The following ZNF273 variants were observed in gnomAD, a reference collection of about 807,000 sequenced individuals.
The protein encoded by ZNF273 is zinc finger protein 9.
A neutral mutation model predicts 14.9 loss-of-function variants in ZNF273; 11 were observed. That is an observed-to-expected ratio of 0.74 (90% CI 0.46 to 1.22). ZNF273 has a LOEUF of 1.22. Among genes scored for constraint, ZNF273 ranks in the 50% most tolerant of loss-of-function variants. The pLI is 0.00. For missense variants in ZNF273, 577 were observed against 660.6 expected, an observed-to-expected ratio of 0.87 and a Z score of 1.39; for synonymous variants, 199 against 223.9, an observed-to-expected ratio of 0.89 and a Z score of 0.99.
intron 1 of ZNF273, among the ~76,000 whole-genome samples, chr7:64,888,031 A>C (rs1415792267): frequency 6.6e-6 from 1 of 152,118 alleles, no homozygotes; most frequent in Non-Finnish European, 1.5e-5. Context: ...GAGAAGTCCC[A>C]GCCCCAATGC....
chr7:64,925,582 C>T (rs547626301), intron 3 of ZNF273, among the ~76,000 whole-genome samples: 11 of 152,090 alleles, frequency 7.2e-5, no homozygotes, highest in East Asian at 1.9e-4. Flanking sequence ...GGACTACAGG[C>T]GCGCGCCACC....
chr7:64,927,992 ACT>A lies in ZNF273; in HGVS notation c.666_667del (p.Gln223AlafsTer2), dbSNP rs747955295. On this transcript the variant is annotated frameshift_variant, in exon 4 of 4. Coordinates refer to ENST00000476120, the MANE Select transcript of ZNF273 (RefSeq NM_021148.3). LOFTEE classifies it low-confidence loss of function (END_TRUNC). ...GKSCCILSQLTQHKKTATRVN... is the reference protein window; with the variant it reads ...GKSCCILSQLXQHKKTATRVN... The stretch of plus-strand genomic sequence containing the variant: ...ATCATGTTGCATACTTTCACAACTA[ACT>A]CAGCATAAGAAAACTGCTACTAGAG... 1 of 1,614,000 alleles carries A rather than the reference ACT, an allele frequency of 6.2e-7. No homozygotes were observed. The highest frequency in any genetic ancestry group is 8.5e-7 in the Non-Finnish European group (1 of 1,179,934).
At chr7:64,899,873 G>C (rs550821827), upstream of ZNF273, among the ~76,000 whole-genome samples, 3 of 150,764 alleles carry the variant, frequency 2.0e-5, no homozygotes, top group East Asian at 6.1e-4. Context: ...TGATTCTCCT[G>C]CCTCAGCCTC....
intron 2 of ZNF273, 116 bp downstream of exon 2, chr7:64,917,823 C>G: frequency 8.6e-7 from 1 of 1,161,270 alleles, no homozygotes. Context: ...CAACAAAATC[C>G]TGGGGATTTG....
At chr7:64,888,224 C>T (rs1417096786) in intron 1 of ZNF273, 1 of 894,204 alleles carries the variant, frequency 1.1e-6, no homozygotes, top group Non-Finnish European at 1.3e-6. Flanking sequence ...GCTGCTGCTG[C>T]CCCACCCTCC....
At chr7:64,936,324 T>A in the ZNF273 span, among the ~76,000 whole-genome samples, 2 of 152,112 alleles carry the variant, frequency 1.3e-5, no homozygotes, top group Non-Finnish European at 2.9e-5. Context: ...CACAGCCCAA[T>A]TAAATTAAGA....
intron 3 of ZNF273, among the ~76,000 whole-genome samples, chr7:64,894,894 C>T (rs1792270331): frequency 6.6e-6 from 1 of 151,946 alleles, no homozygotes; most frequent in African/African-American, 2.4e-5. Context: ...CTTTGGGAGG[C>T]CGAGGCAGAT....
chr7:64,923,347 ATTT>A (rs753072301), intron 3 of ZNF273: 1 of 454,572 alleles, frequency 2.2e-6, no homozygotes, highest in South Asian at 1.6e-5. Context: ...GTGTTTTTTT[ATTT>A]TTATTTTTTA....
At chr7:64,926,616 T>C (rs1008667055) in intron 3 of ZNF273, among the ~76,000 whole-genome samples, 2 of 152,326 alleles carry the variant, frequency 1.3e-5, no homozygotes, top group Admixed American at 1.3e-4. Flanking sequence ...ATAATGTTTT[T>C]GATGAGGCCA....
At chr7:64,896,268 G>A (rs1046107934) in intron 3 of ZNF273, among the ~76,000 whole-genome samples, 1 of 152,058 alleles carries the variant, frequency 6.6e-6, no homozygotes, top group Non-Finnish European at 1.5e-5. Flanking sequence ...GAGTAGAAAA[G>A]AAGCCAAGTT....
Position 64,920,419 on chromosome 7 carries a change from C to T in ZNF273, c.325+2127C>T, listed in dbSNP as rs1794343895. Among the ~76,000 whole-genome samples the T allele has an allele frequency of 2.0e-5, 3 of 152,272 alleles. No individual in the cohort carries two copies. The South Asian group carries it at 6.2e-4, about 32-fold the overall frequency. The stretch of plus-strand genomic sequence containing the variant: ...GCAGAACCGGCCATGAACTGTAGCT[C>T]AGGGAGCTGGAACTGAGTCATTGAA... On this transcript the variant is annotated intron_variant, in intron 3 of 3. Coordinates refer to ENST00000476120, the MANE Select transcript of ZNF273 (RefSeq NM_021148.3).
intron 1 of ZNF273, among the ~76,000 whole-genome samples, chr7:64,907,162 G>A (rs1157405677): frequency 6.6e-6 from 1 of 152,040 alleles, no homozygotes; most frequent in Admixed American, 6.6e-5. Context: ...GCTGTTTTTT[G>A]TTTGTTTGTT....
At chr7:64,936,907 T>G in the ZNF273 span, among the ~76,000 whole-genome samples, 1 of 152,238 alleles carries the variant, frequency 6.6e-6, no homozygotes, top group Non-Finnish European at 1.5e-5. Context: ...TGACAGAAAT[T>G]GAATACTTGT....
downstream of ZNF273, among the ~76,000 whole-genome samples, chr7:64,882,226 C>A (rs966985368): frequency 6.6e-6 from 1 of 152,214 alleles, no homozygotes; most frequent in Non-Finnish European, 1.5e-5. Flanking sequence ...CCCTGGGACC[C>A]GATTCCTGCA....
chr7:64,918,647 G>T (rs1794188662), intron 3 of ZNF273, among the ~76,000 whole-genome samples: 3 of 103,334 alleles, frequency 2.9e-5, no homozygotes, highest in Admixed American at 3.0e-4. Flanking sequence ...GAGACAGAGT[G>T]AGACTCCATC....
Position 64,927,593 on chromosome 7 carries a change from T to A in ZNF273, c.326-61T>A. 4.3e-6 allele frequency: 6 copies of A among 1,407,310 alleles called. No homozygotes were observed. The South Asian group carries it at 8.5e-5, about 20-fold the overall frequency. 87.2% of individuals were successfully genotyped at this position (1,407,310 alleles called of 1,614,324 possible). On this transcript the variant is annotated intron_variant, in intron 3 of 3. Transcript: ENST00000476120. ...GTTTGTATATTTTTATAGGTTAGAT[T>A]TGTAAAGTATATTCATCTGAGTCTA...
chr7:64,902,890 G>A (rs1792819228), upstream of ZNF273, among the ~76,000 whole-genome samples: 1 of 152,168 alleles, frequency 6.6e-6, no homozygotes, highest in Non-Finnish European at 1.5e-5. Flanking sequence ...TGAATAGAAT[G>A]GAAGGCAGGT....
intron 1 of ZNF273, among the ~76,000 whole-genome samples, chr7:64,910,215 T>A (rs1312920950): frequency 6.6e-6 from 1 of 152,198 alleles, no homozygotes; most frequent in Non-Finnish European, 1.5e-5. Flanking sequence ...TTGTTGCAAT[T>A]GCTTTTGGTA....
At chr7:64,911,199 TA>T (rs1311059979) in intron 1 of ZNF273, among the ~76,000 whole-genome samples, 2 of 152,194 alleles carry the variant, frequency 1.3e-5, no homozygotes, top group African/African-American at 4.8e-5. Flanking sequence ...GTTTATGTGA[TA>T]AATAGCATTT....
Sources: allele counts gnomAD v4.1 joint callset (sites outside exome capture counted in the v4.1 genomes callset), GRCh38; gene constraint gnomAD v4.1.1; transcripts MANE v1.5; gene names NCBI Gene and HGNC (gene_info 2026-07-23, HGNC 2026-07-21).